Variants in CNTNAP2 observed in about 807,000 individuals in gnomAD.
The protein encoded by CNTNAP2 is contactin-associated protein-like 2.
Under a neutral mutation model 155.2 loss-of-function variants are expected in CNTNAP2, and 98 were observed. The ratio of observed to expected loss-of-function variants is 0.63; its 90% CI spans 0.54 to 0.75. The LOEUF is 0.75. CNTNAP2 is among the 30% of genes least tolerant of loss of function. The probability of loss-of-function intolerance (pLI) is 0.00; values close to 1 mark genes in which losing one functional copy is unlikely to be tolerated. For missense variants in CNTNAP2, 1,727 were observed against 1,688.1 expected, an observed-to-expected ratio of 1.02 and a Z score of -0.40; for synonymous variants, 651 against 631.2, an observed-to-expected ratio of 1.03 and a Z score of -0.47.
chr7:146,402,770 G>A (rs1228853357), intron 1 of CNTNAP2, among the ~76,000 whole-genome samples: 4 of 152,068 alleles, frequency 2.6e-5, no homozygotes, highest in Non-Finnish European at 5.9e-5. Context: ...ACATCAAAAA[G>A]TTTTACTTAA....
At chr7:146,343,658 T>A (rs1245878212) in intron 1 of CNTNAP2, among the ~76,000 whole-genome samples, 2 of 152,158 alleles carry the variant, frequency 1.3e-5, no homozygotes, top group Non-Finnish European at 2.9e-5. Flanking sequence ...TTTAAGACAA[T>A]CTGAGATGAC....
At chr7:147,351,127 GT>G (rs1224012133) in intron 9 of CNTNAP2, among the ~76,000 whole-genome samples, 5 of 151,728 alleles carry the variant, frequency 3.3e-5, no homozygotes, top group African/African-American at 1.2e-4. Context: ...TCTTTGCAGT[GT>G]TTTAAAATGT....
intron 21 of CNTNAP2, among the ~76,000 whole-genome samples, chr7:148,304,451 T>G (rs990775419): frequency 6.6e-6 from 1 of 152,246 alleles, no homozygotes; most frequent in Non-Finnish European, 1.5e-5. Flanking sequence ...GCATTTGTCT[T>G]TAATTCTCTA....
intron 13 of CNTNAP2, among the ~76,000 whole-genome samples, chr7:147,655,718 A>G (rs1795517004): frequency 6.6e-6 from 1 of 152,212 alleles, no homozygotes; most frequent in South Asian, 2.1e-4. Context: ...GGCAGTGTAG[A>G]GTTAACAGAA....
chr7:146,369,164 A>G (rs1055861825), intron 1 of CNTNAP2, among the ~76,000 whole-genome samples: 3 of 150,920 alleles, frequency 2.0e-5, no homozygotes, highest in Non-Finnish European at 4.4e-5. Flanking sequence ...CTTTGCCAGC[A>G]TTACGTGTGT....
intron 13 of CNTNAP2, among the ~76,000 whole-genome samples, chr7:147,762,183 A>ACACACACACACAC (rs1797313658): frequency 6.6e-6 from 1 of 151,736 alleles, no homozygotes; most frequent in Admixed American, 6.6e-5. Context: ...ACACACACAC[A>ACACACACACACAC]CACACCATTC....
intron 13 of CNTNAP2, among the ~76,000 whole-genome samples, chr7:147,654,302 A>G (rs868852782): frequency 1.3e-5 from 2 of 152,238 alleles, no homozygotes; most frequent in Non-Finnish European, 1.5e-5. Flanking sequence ...GGAATGTTCT[A>G]AAATAATTGT....
At chr7:147,543,174 T>C (rs1799669322) in intron 11 of CNTNAP2, among the ~76,000 whole-genome samples, 2 of 152,244 alleles carry the variant, frequency 1.3e-5, no homozygotes. Flanking sequence ...TAACTAAAAG[T>C]ATCCCTCATG....
rs566033619 is a variant in CNTNAP2, at chr7:147,203,749, C to G, written c.1348+71240C>G. Among the ~76,000 whole-genome samples the G allele has an allele frequency of 3.3e-5, 5 of 152,178 alleles. No individual in the cohort carries two copies. The South Asian group carries it at 1.0e-3, about 32-fold the overall frequency. Reference sequence around the variant, plus strand: ...ACAGAAAAAAATATAAAACAGAATTCAAATTTGCAAATGATATGGAAGCTG... The same window carrying G: ...ACAGAAAAAAATATAAAACAGAATTGAAATTTGCAAATGATATGGAAGCTG... On this transcript the variant is annotated intron_variant, in intron 8 of 23. Coordinates refer to ENST00000361727, the MANE Select transcript of CNTNAP2 (RefSeq NM_014141.6).
chr7:147,377,944 T>G (rs1796465677), intron 9 of CNTNAP2: 1 of 450,698 alleles, frequency 2.2e-6, no homozygotes, highest in South Asian at 1.6e-5. Context: ...AATCTGAATT[T>G]TTAAATGTTC....
intron 1 of CNTNAP2, among the ~76,000 whole-genome samples, chr7:146,385,562 C>A (rs757058692): frequency 3.9e-5 from 6 of 152,116 alleles, no homozygotes; most frequent in Non-Finnish European, 5.9e-5. Flanking sequence ...TAAAGTCCAG[C>A]CAAGTAATCT....
chr7:147,844,872 G>C (rs1798801449), intron 13 of CNTNAP2, among the ~76,000 whole-genome samples: 1 of 126,628 alleles, frequency 7.9e-6, no homozygotes, highest in Admixed American at 8.9e-5. Context: ...TTTGTCTTTG[G>C]CTCTGTTTAT....
Position 146,386,434 on chromosome 7 carries a change from G to A in CNTNAP2, c.97+269461G>A, listed in dbSNP as rs547744309. On this transcript the variant is annotated intron_variant, in intron 1 of 23. Transcript: ENST00000361727. ...AACAGAGTCTAGCTCTGTCGCCCAGGCTGGAGGACAGTGGCATGATCTTGG... is the reference window on the plus strand; with the variant it reads ...AACAGAGTCTAGCTCTGTCGCCCAGACTGGAGGACAGTGGCATGATCTTGG... Among the ~76,000 whole-genome samples the A allele has an allele frequency of 1.4e-4, 22 of 152,288 alleles. No individual in the cohort carries two copies. In the South Asian group the frequency reaches 4.2e-3, roughly 29 times the overall value.
chr7:148,174,665 G>A (rs1439241490), intron 18 of CNTNAP2, among the ~76,000 whole-genome samples: 1 of 152,152 alleles, frequency 6.6e-6, no homozygotes. Flanking sequence ...GCAGAGATGA[G>A]GCAAACAAAC....
chr7:147,610,814 C>T (rs1801170359), intron 12 of CNTNAP2, among the ~76,000 whole-genome samples: 1 of 152,166 alleles, frequency 6.6e-6, no homozygotes, highest in East Asian at 1.9e-4. Context: ...TCTTGGTTCA[C>T]TGCAGCCTCT....
chr7:147,889,621 A>G (rs1799654424), intron 13 of CNTNAP2, among the ~76,000 whole-genome samples: 1 of 152,228 alleles, frequency 6.6e-6, no homozygotes, highest in African/African-American at 2.4e-5. Flanking sequence ...AGCTTTTAAT[A>G]TTGATGTCTC....
rs74543649 is a variant in CNTNAP2 at position 146,684,809 on chromosome 7, C to A, written c.98-89462C>A. Among the ~76,000 whole-genome samples the A allele has an allele frequency of 6.6e-5, 10 of 152,140 alleles. No individual in the cohort carries two copies. In the East Asian group the frequency reaches 1.9e-3, roughly 29 times the overall value. On this transcript the variant is annotated intron_variant, in intron 1 of 23. Coordinates refer to ENST00000361727, the MANE Select transcript of CNTNAP2 (RefSeq NM_014141.6). ...GGTTTGTTTTCAAAGAATCAGGAAA[C>A]CCAACTCCAGAAAGTGCTATTCATA...
chr7:146,760,979 A>G (rs2129183973), intron 1 of CNTNAP2, among the ~76,000 whole-genome samples: 1 of 152,318 alleles, frequency 6.6e-6, no homozygotes, highest in Middle Eastern at 3.4e-3. Context: ...CATAATAGGT[A>G]TCCAATACAG....
At chr7:147,646,922 C>T (rs932279060) in intron 13 of CNTNAP2, among the ~76,000 whole-genome samples, 1 of 150,886 alleles carries the variant, frequency 6.6e-6, no homozygotes. Context: ...GAAAAGAACG[C>T]AGAAGAAAAG....
Sources: gnomAD v4.1 joint callset for allele counts (sites outside exome capture counted in the v4.1 genomes callset) on GRCh38, gnomAD v4.1.1 for gene constraint, MANE v1.5 for transcripts, NCBI Gene and HGNC (gene_info 2026-07-23, HGNC 2026-07-21) for gene names.